Variants in AK9 observed in about 807,000 individuals in gnomAD.
AK9 encodes adenylate kinase 9.
In AK9, 191 loss-of-function variants were observed where a neutral mutation model predicts 239.6. That is an observed-to-expected ratio of 0.80 (90% CI 0.71 to 0.90). The LOEUF is 0.90. AK9 is among the 40% of genes least tolerant of loss of function. The pLI, the probability that AK9 is intolerant of heterozygous loss-of-function variation, is 0.00. For synonymous variants in AK9, 689 were observed against 721.0 expected, an observed-to-expected ratio of 0.96 and a Z score of 0.71; for missense variants, 1,995 against 2,214.7, an observed-to-expected ratio of 0.90 and a Z score of 1.99.
chr6:109,613,037 T>A (rs1458134501), intron 15 of AK9, among the ~76,000 whole-genome samples: 1 of 149,590 alleles, frequency 6.7e-6, no homozygotes, highest in Non-Finnish European at 1.5e-5. Flanking sequence ...TTATAGAATT[T>A]GATATAATCA....
At chr6:109,497,998 T>C (rs1408182378) in intron 36 of AK9, 33 bp from the exon 37 acceptor site, 4 of 1,608,418 alleles carry the variant, frequency 2.5e-6, no homozygotes, top group African/African-American at 2.7e-5. Context: ...GCAACATGAT[T>C]TAAACCAGAA....
intron 5 of AK9, among the ~76,000 whole-genome samples, chr6:109,671,440 G>C (rs1172883945): frequency 6.6e-6 from 1 of 152,188 alleles, no homozygotes; most frequent in Admixed American, 6.5e-5. Context: ...AGTACCAGGA[G>C]AGGTTTCAGG....
intron 21 of AK9, 137 bp downstream of exon 21, chr6:109,573,305 A>G: frequency 1.1e-6 from 1 of 929,342 alleles, no homozygotes; most frequent in Non-Finnish European, 1.5e-6. Context: ...ATTTGGACTC[A>G]ATGGCTGCTC....
rs761117338 is a variant in AK9 at position 109,497,362 on chromosome 6, ACTCTCTCT to A, written c.5315+95_5315+102del. 153 of 500,576 alleles carry A rather than the reference ACTCTCTCT, an allele frequency of 3.1e-4. 3 individuals are homozygous for A. The African/African-American group carries it at 3.7e-3, about 12-fold the overall frequency. The allele number at this position is 500,576 out of a possible 1,614,324, so 31.0% of individuals were successfully genotyped here. On this transcript the variant is annotated intron_variant, in intron 38 of 40. Coordinates refer to ENST00000424296, the MANE Select transcript of AK9 (RefSeq NM_001145128.3). ...CACACACACACACACACACACACAC[ACTCTCTCT>A]CTCTCTCTCTCTCTCACACACTCCT...
chr6:109,648,229 T>A (rs1798359434), intron 8 of AK9, among the ~76,000 whole-genome samples: 1 of 151,904 alleles, frequency 6.6e-6, no homozygotes, highest in South Asian at 2.1e-4. Flanking sequence ...AGGTAAGACA[T>A]AACTAAGATC....
chr6:109,497,958 A>G lies in AK9; in HGVS notation c.5054T>C (p.Leu1685Ser). 1 of 1,613,158 alleles carries G rather than the reference A, an allele frequency of 6.2e-7. No individual in the cohort carries two copies. The highest frequency in any genetic ancestry group is 8.5e-7 in the Non-Finnish European group (1 of 1,179,240). The stretch of plus-strand genomic sequence containing the variant: ...AGGCACGTACAATTCTGGGTTCTCC[A>G]AGAATTTCTATTAAAAAAGAATTCC... ...MSSQEKLNKF[L>S]ENPELYVPPL... Residue 1685 changes from leucine (L) to serine (S), a missense_variant, in exon 37 of 41, where the codon TTG (leucine) becomes TCG (serine). Transcript: ENST00000424296.
chr6:109,602,859 C>T (rs1259643046), intron 17 of AK9, among the ~76,000 whole-genome samples: 1 of 152,158 alleles, frequency 6.6e-6, no homozygotes, highest in Non-Finnish European at 1.5e-5. Flanking sequence ...TCCAGTTGAT[C>T]GAATTGGCTA....
intron 28 of AK9, among the ~76,000 whole-genome samples, chr6:109,529,288 C>T (rs1780930264): frequency 6.6e-6 from 1 of 152,174 alleles, no homozygotes; most frequent in South Asian, 2.1e-4. Flanking sequence ...GAGGGATAAA[C>T]AGCACTTGGG....
In AK9 at chr6:109,585,139, CTT is replaced by C. The variant is rs753010985; in HGVS notation, c.2096_2097del (p.Lys699ArgfsTer34). ...RLLEELQKKK[K>X]EEEEARKATE... is the part of the protein sequence containing the mutation. ...AGATTTTACCTTGCTTCTTCTTCTTCTTTTTTTTTCTTTTGTAGTTCTTCTAA... is the reference window on the plus strand; with the variant it reads ...AGATTTTACCTTGCTTCTTCTTCTTCTTTTTTTCTTTTGTAGTTCTTCTAA... On this transcript the variant is annotated frameshift_variant, in exon 19 of 41. Transcript: ENST00000424296. LOFTEE classifies it high-confidence loss of function. The C allele has an allele frequency of 3.7e-6, 3 of 821,466 alleles. No individual in the cohort carries two copies. Among genetic ancestry groups the C allele is most frequent in the South Asian group, 2.8e-5 (1 of 36,322 alleles). 50.9% of individuals were successfully genotyped at this position (821,466 alleles called of 1,614,324 possible).
chr6:109,571,109 G>A (rs1400692355), intron 21 of AK9, among the ~76,000 whole-genome samples: 6 of 152,138 alleles, frequency 3.9e-5, no homozygotes, highest in African/African-American at 4.8e-5. Context: ...AATATGCCAC[G>A]CTGGATCCTT....
intron 35 of AK9, among the ~76,000 whole-genome samples, chr6:109,502,957 ATGTGTG>A (rs58542655): frequency 5.6e-4 from 81 of 145,494 alleles, no homozygotes; most frequent in Admixed American, 8.4e-4. Context: ...CAGGAACGGT[ATGTGTG>A]TGTGTGTGTG....
chr6:109,545,390 C>T (rs750509604), intron 26 of AK9, among the ~76,000 whole-genome samples: 11 of 152,134 alleles, frequency 7.2e-5, no homozygotes, highest in Non-Finnish European at 8.8e-5. Flanking sequence ...TCTTGAATTC[C>T]CACATGTTAT....
Position 109,497,454 on chromosome 6 carries a change from A to G in AK9, c.5315+11T>C. The G allele has an allele frequency of 6.6e-7, 1 of 1,523,306 alleles. No individual in the cohort carries two copies. Among genetic ancestry groups the G allele is most frequent in the Non-Finnish European group, 9.1e-7 (1 of 1,099,202 alleles). 94.4% of individuals were successfully genotyped at this position (1,523,306 alleles called of 1,614,324 possible). The stretch of plus-strand genomic sequence containing the variant: ...GATTTTCAGTAAATATTTGTGATTT[A>G]ATGGTCTCACCTCAAAAATTTCTGG... On this transcript the variant is annotated intron_variant, in intron 38 of 40. Transcript: ENST00000424296.
Position 109,506,367 on chromosome 6 carries a change from C to A in AK9, c.4809G>T (p.Val1603=), listed in dbSNP as rs562101590. 8 of 1,613,668 alleles carry A rather than the reference C, an allele frequency of 5.0e-6. No individual in the cohort carries two copies. Among genetic ancestry groups the A allele is most frequent in the Non-Finnish European group, 6.8e-6 (8 of 1,179,926 alleles). Residue 1603 remains valine (V), a synonymous_variant, in exon 35 of 41, where the codon GTG becomes GTT. Transcript: ENST00000424296. ...CCAGGTATGTCTGCATGTATTTATT[C>A]ACCATTTGAACATTCTTAATGACTT... is the stretch of plus-strand genomic sequence containing the variant. ...WNEVIKNVQM[V]NKYMQTYLER...
intron 38 of AK9, among the ~76,000 whole-genome samples, chr6:109,496,497 T>A (rs1777051431): frequency 6.6e-6 from 1 of 152,196 alleles, no homozygotes; most frequent in Non-Finnish European, 1.5e-5. Flanking sequence ...AATGACCTGT[T>A]ACACCCTAAA....
At chr6:109,589,237 T>C (rs1368973541) in intron 17 of AK9, among the ~76,000 whole-genome samples, 1 of 152,134 alleles carries the variant, frequency 6.6e-6, no homozygotes, top group Non-Finnish European at 1.5e-5. Flanking sequence ...TTATTTGTGT[T>C]ATATATGGTT....
At chr6:109,578,992 T>G (rs1401786917) in intron 20 of AK9, among the ~76,000 whole-genome samples, 1 of 152,226 alleles carries the variant, frequency 6.6e-6, no homozygotes, top group Non-Finnish European at 1.5e-5. Flanking sequence ...ATGAATAGAA[T>G]GTATATTCTG....
At position 109,494,274 on chromosome 6, in the gene AK9, A is replaced by G. The variant is rs56375804; in HGVS notation, c.5419-179T>C. Among the ~76,000 whole-genome samples the G allele has an allele frequency of 2.9e-3, 436 of 152,368 alleles. 2 individuals are homozygous for G. The highest frequency in any genetic ancestry group is 3.9e-3 in the Non-Finnish European group (264 of 68,042). On this transcript the variant is annotated intron_variant, in intron 39 of 40. Transcript: ENST00000424296. ...CCAACAGGAAAGAAATACAAAATAC[A>G]TTTGATTAGGAAAAATGAAAATTAC...
intron 1 of AK9, among the ~76,000 whole-genome samples, chr6:109,678,887 C>T (rs829818): frequency 0.37 from 56,760 of 151,974 alleles, 11,279 homozygotes; most frequent in African/African-American, 0.49. Context: ...CAAGGGAAGC[C>T]GTGAGGGACT....
Sources: gnomAD v4.1 joint callset for allele counts (sites outside exome capture counted in the v4.1 genomes callset) on GRCh38, gnomAD v4.1.1 for gene constraint, MANE v1.5 for transcripts, NCBI Gene and HGNC (gene_info 2026-07-23, HGNC 2026-07-21) for gene names.